Variants in NXPE2 observed in about 807,000 individuals in gnomAD.
NXPE2 encodes the protein NXPE family member 2.
Under a neutral mutation model 34.4 loss-of-function variants are expected in NXPE2, and 34 were observed. The observed-to-expected ratio is 0.99, with a 90% CI of 0.75 to 1.31. The LOEUF (loss-of-function observed/expected upper bound fraction) is 1.31, where lower values mean the gene tolerates loss of function less well. Among genes scored for constraint, NXPE2 ranks in the 40% most tolerant of loss-of-function variants. The pLI, the probability that NXPE2 is intolerant of heterozygous loss-of-function variation, is 0.00. For synonymous variants in NXPE2, 235 were observed against 231.3 expected (o/e 1.02, Z -0.15); for missense variants, 649 against 672.5 (o/e 0.97, Z 0.39).
At chr11:114,552,630 G>A in the NXPE2 span, among the ~76,000 whole-genome samples, 1 of 151,924 alleles carries the variant, frequency 6.6e-6, no homozygotes, top group South Asian at 2.1e-4. Context: ...TCCTGCCCCC[G>A]AGACTGATCC....
At chr11:114,628,511 A>G in the NXPE2 span, among the ~76,000 whole-genome samples, 4 of 152,112 alleles carry the variant, frequency 2.6e-5, no homozygotes, top group African/African-American at 9.6e-5. Flanking sequence ...TCTGGGACAC[A>G]TTCAAAGCAG....
chr11:114,803,261 C>A, the NXPE2 span, among the ~76,000 whole-genome samples: 22 of 152,284 alleles, frequency 1.4e-4, 1 homozygote, highest in African/African-American at 5.1e-4. Flanking sequence ...CTTCAGGGGA[C>A]TAAGAAAAAC....
the NXPE2 span, among the ~76,000 whole-genome samples, chr11:114,768,175 C>A: frequency 6.6e-6 from 1 of 152,174 alleles, no homozygotes; most frequent in African/African-American, 2.4e-5. Flanking sequence ...GGAATCCTTT[C>A]CCCATTTCTT....
chr11:114,727,933 GT>G, the NXPE2 span, among the ~76,000 whole-genome samples: 1 of 151,874 alleles, frequency 6.6e-6, no homozygotes, highest in Admixed American at 6.6e-5. Flanking sequence ...TTATTTTATA[GT>G]TTTAGGTCGA....
At chr11:114,778,895 C>A in the NXPE2 span, among the ~76,000 whole-genome samples, 1 of 152,290 alleles carries the variant, frequency 6.6e-6, no homozygotes, top group Admixed American at 6.5e-5. Context: ...AGGAGGAAGA[C>A]CTCCATTGTG....
At chr11:114,688,605 T>C (rs964930974) in intron 2 of NXPE2, among the ~76,000 whole-genome samples, 4 of 152,276 alleles carry the variant, frequency 2.6e-5, no homozygotes, top group South Asian at 4.1e-4. Flanking sequence ...TTTTGTAGAA[T>C]GAATTAGAGA....
chr11:114,570,082 G>A, the NXPE2 span, among the ~76,000 whole-genome samples: 37,585 of 152,018 alleles, frequency 0.25, 4,900 homozygotes, highest in East Asian at 0.44. Context: ...TCTGTAACTC[G>A]CTTCCTGCCT....
At chr11:114,537,596 A>C in the NXPE2 span, among the ~76,000 whole-genome samples, 1 of 152,210 alleles carries the variant, frequency 6.6e-6, no homozygotes, top group Non-Finnish European at 1.5e-5. Flanking sequence ...CAGGATACAA[A>C]ATCAATGTGC....
chr11:114,752,928 G>C, the NXPE2 span, among the ~76,000 whole-genome samples: 1 of 152,150 alleles, frequency 6.6e-6, no homozygotes, highest in Admixed American at 6.6e-5. Flanking sequence ...AGACAAAAGA[G>C]GTAAGAGAAG....
the NXPE2 span, among the ~76,000 whole-genome samples, chr11:114,536,025 G>A: frequency 1.3e-5 from 2 of 152,116 alleles, no homozygotes; most frequent in Non-Finnish European, 2.9e-5. Flanking sequence ...TGACCACATA[G>A]TTGGAAGTAA....
chr11:114,564,581 C>T, the NXPE2 span, among the ~76,000 whole-genome samples: 2 of 152,042 alleles, frequency 1.3e-5, no homozygotes, highest in African/African-American at 4.8e-5. Context: ...GAAAATGGTG[C>T]AGGAGTGCAC....
chr11:114,617,277 C>T, the NXPE2 span, among the ~76,000 whole-genome samples: 10 of 151,970 alleles, frequency 6.6e-5, no homozygotes, highest in Admixed American at 5.9e-4. Context: ...AATATTGCCT[C>T]GTGGATAACC....
At chr11:114,486,962 T>C in the NXPE2 span, among the ~76,000 whole-genome samples, 1 of 152,186 alleles carries the variant, frequency 6.6e-6, no homozygotes, top group Non-Finnish European at 1.5e-5. Flanking sequence ...TTGCTCATGA[T>C]AGCTTTGCTA....
At chr11:114,642,290 A>C in the NXPE2 span, among the ~76,000 whole-genome samples, 1 of 152,068 alleles carries the variant, frequency 6.6e-6, no homozygotes, top group African/African-American at 2.4e-5. Context: ...TGTTTATAAA[A>C]TACCTGACCA....
chr11:114,704,639 G>T (rs982013498), intron 4 of NXPE2, among the ~76,000 whole-genome samples: 5 of 152,140 alleles, frequency 3.3e-5, no homozygotes, highest in African/African-American at 1.2e-4. Flanking sequence ...AATCAACGGG[G>T]TGTACCATTA....
At chr11:114,702,122 C>A (rs78966884) in intron 3 of NXPE2, among the ~76,000 whole-genome samples, 3,666 of 152,148 alleles carry the variant, frequency 0.024, 133 homozygotes, top group African/African-American at 0.081. Flanking sequence ...TGTGGATAAT[C>A]GTGATAAAAA....
chr11:114,609,369 T>C, the NXPE2 span, among the ~76,000 whole-genome samples: 4 of 152,026 alleles, frequency 2.6e-5, no homozygotes, highest in African/African-American at 9.6e-5. Context: ...TAACCACCGT[T>C]ACCCGGTGGA....
chr11:114,508,991 T>C, the NXPE2 span, among the ~76,000 whole-genome samples: 1 of 151,828 alleles, frequency 6.6e-6, no homozygotes, highest in African/African-American at 2.4e-5. Context: ...TGAGAGAAAA[T>C]TTTTGCAAAC....
At chr11:114,474,635 A>G in the NXPE2 span, among the ~76,000 whole-genome samples, 1 of 152,184 alleles carries the variant, frequency 6.6e-6, no homozygotes, top group East Asian at 1.9e-4. Context: ...AATGATTTCA[A>G]GAGACAATGG....
Sources: gnomAD v4.1 joint callset for allele counts (sites outside exome capture counted in the v4.1 genomes callset) on GRCh38, gnomAD v4.1.1 for gene constraint, MANE v1.5 for transcripts, NCBI Gene and HGNC (gene_info 2026-07-23, HGNC 2026-07-21) for gene names.